Variants in PHACTR3 observed in about 807,000 individuals in gnomAD.
PHACTR3 encodes the protein phosphatase and actin regulator 3.
A neutral mutation model predicts 66.8 loss-of-function variants in PHACTR3; 16 were observed. The ratio of observed to expected loss-of-function variants is 0.24; its 90% CI spans 0.16 to 0.36. The LOEUF (loss-of-function observed/expected upper bound fraction) is 0.36, where lower values mean the gene tolerates loss of function less well. Among genes scored for constraint, PHACTR3 ranks in the 10% least tolerant of loss-of-function variants. The pLI is 1.00. For synonymous variants in PHACTR3, 323 were observed against 292.1 expected, an observed-to-expected ratio of 1.11 and a Z score of -1.08; for missense variants, 647 against 719.9, an observed-to-expected ratio of 0.90 and a Z score of 1.16.
At chr20:59,763,771 G>T (rs568254606) in intron 4 of PHACTR3, among the ~76,000 whole-genome samples, 4 of 152,300 alleles carry the variant, frequency 2.6e-5, no homozygotes, top group African/African-American at 9.6e-5. Context: ...GGTGGGACCT[G>T]CCAGAGAGGC....
Position 59,598,916 on chromosome 20 carries a change from C to T in PHACTR3, c.109+21299C>T, listed in dbSNP as rs575199554. Reference sequence around the variant, plus strand: ...CTTTCCTTGGGTCCTGGAACTCCCACACTGGTGTTTTGCCTTCTTGTTTCT... The same window carrying T: ...CTTTCCTTGGGTCCTGGAACTCCCATACTGGTGTTTTGCCTTCTTGTTTCT... On this transcript the variant is annotated intron_variant, in intron 1 of 12. Coordinates refer to the PHACTR3 transcript ENST00000359926. Among the ~76,000 whole-genome samples the T allele has an allele frequency of 1.3e-4, 20 of 152,340 alleles. No individual in the cohort carries two copies. In the East Asian group the frequency reaches 2.9e-3, roughly 22 times the overall value.
At chr20:59,797,860 T>G (rs1413558906) in intron 7 of PHACTR3, among the ~76,000 whole-genome samples, 1 of 152,172 alleles carries the variant, frequency 6.6e-6, no homozygotes, top group Non-Finnish European at 1.5e-5. Context: ...TTTTATAAAT[T>G]GTTGGGTTTG....
chr20:59,630,163 G>C (rs1462851521), intron 1 of PHACTR3, among the ~76,000 whole-genome samples: 2 of 152,070 alleles, frequency 1.3e-5, no homozygotes, highest in Non-Finnish European at 2.9e-5. Context: ...GTTCATATCA[G>C]GTATATGTCT....
chr20:59,720,509 G>A (rs1337105243), intron 1 of PHACTR3, among the ~76,000 whole-genome samples: 2 of 152,102 alleles, frequency 1.3e-5, no homozygotes, highest in Admixed American at 6.6e-5. Context: ...CCTACTAAGC[G>A]CAACGCTGTG....
intron 3 of PHACTR3, among the ~76,000 whole-genome samples, chr20:59,749,277 C>A (rs2039489887): frequency 6.6e-6 from 1 of 151,630 alleles, no homozygotes; most frequent in South Asian, 2.1e-4. Flanking sequence ...GAAAACAATG[C>A]TAAGGCCTTT....
intron 8 of PHACTR3, among the ~76,000 whole-genome samples, chr20:59,818,891 C>A (rs1043820440): frequency 6.6e-6 from 1 of 152,186 alleles, no homozygotes; most frequent in African/African-American, 2.4e-5. Flanking sequence ...TCATCTTTAG[C>A]AACAACTTTG....
chr20:59,650,687 C>T (rs1370893570), intron 1 of PHACTR3, among the ~76,000 whole-genome samples: 17 of 130,894 alleles, frequency 1.3e-4, no homozygotes, highest in Non-Finnish European at 2.2e-4. Context: ...GAGAAAATCA[C>T]ATTTGTAAGT....
intron 1 of PHACTR3, among the ~76,000 whole-genome samples, chr20:59,606,768 G>C (rs1429080819): frequency 6.6e-6 from 1 of 152,108 alleles, no homozygotes; most frequent in East Asian, 1.9e-4. Flanking sequence ...AGGTGGTGCC[G>C]GTCCATGAGA....
At chr20:59,806,302 C>A (rs866695006) in intron 8 of PHACTR3, 108 bp downstream of exon 8, 1 of 1,405,660 alleles carries the variant, frequency 7.1e-7, no homozygotes. Context: ...CACAACCCAC[C>A]GTCTGCAGCA....
At chr20:59,665,825 A>G (rs1373706422) in intron 1 of PHACTR3, among the ~76,000 whole-genome samples, 1 of 152,194 alleles carries the variant, frequency 6.6e-6, no homozygotes, top group Non-Finnish European at 1.5e-5. Flanking sequence ...ACCCGCCACA[A>G]GCTAACTCTA....
At chr20:59,805,931 T>C in intron 7 of PHACTR3, 110 bp from the exon 8 acceptor site, 2 of 1,186,068 alleles carry the variant, frequency 1.7e-6, no homozygotes, top group South Asian at 3.0e-5. Context: ...ATCACCCTGG[T>C]CTGGAGTCCT....
chr20:59,811,630 G>A (rs1600698982), intron 8 of PHACTR3, among the ~76,000 whole-genome samples: 2 of 151,796 alleles, frequency 1.3e-5, no homozygotes, highest in East Asian at 3.9e-4. Context: ...TTGTACTCCA[G>A]CCTGGGCAAC....
At chr20:59,621,769 C>T (rs1255680777) in intron 1 of PHACTR3, among the ~76,000 whole-genome samples, 1 of 152,148 alleles carries the variant, frequency 6.6e-6, no homozygotes, top group Admixed American at 6.5e-5. Flanking sequence ...ATACTGTGTG[C>T]CAAGCTGGAA....
At chr20:59,632,543 G>C (rs1341911268) in intron 1 of PHACTR3, among the ~76,000 whole-genome samples, 1 of 152,198 alleles carries the variant, frequency 6.6e-6, no homozygotes, top group African/African-American at 2.4e-5. Context: ...TAGCCCAAAG[G>C]AAAGCTGAGC....
At chr20:59,636,008 A>G (rs991314041) in intron 1 of PHACTR3, among the ~76,000 whole-genome samples, 1 of 152,254 alleles carries the variant, frequency 6.6e-6, no homozygotes, top group African/African-American at 2.4e-5. Flanking sequence ...ATGTTTCTAC[A>G]GAAAATGTTA....
chr20:59,840,268 C>CAGAAAT (rs370732645), intron 9 of PHACTR3, 101 bp from the exon 10 acceptor site: 1 of 1,487,336 alleles, frequency 6.7e-7, no homozygotes, highest in African/African-American at 1.4e-5. Flanking sequence ...CTTCAGCTCC[C>CAGAAAT]AGAAATATGG....
At chr20:59,749,837 CTTTT>C (rs1163426057) in intron 3 of PHACTR3, among the ~76,000 whole-genome samples, 1 of 150,108 alleles carries the variant, frequency 6.7e-6, no homozygotes, top group African/African-American at 2.5e-5. Context: ...ATTTTTTTTT[CTTTT>C]GTCAACCATT....
intron 1 of PHACTR3, among the ~76,000 whole-genome samples, chr20:59,634,765 T>A (rs1343805341): frequency 6.6e-6 from 1 of 152,226 alleles, no homozygotes. Flanking sequence ...ATGGAAATGG[T>A]CTAGGTCTGC....
intron 1 of PHACTR3, among the ~76,000 whole-genome samples, chr20:59,723,536 G>A (rs1377453593): frequency 6.6e-6 from 1 of 152,102 alleles, no homozygotes; most frequent in Non-Finnish European, 1.5e-5. Flanking sequence ...CCCACTTTGT[G>A]TCTATTATGA....
Sources: allele counts gnomAD v4.1 joint callset (sites outside exome capture counted in the v4.1 genomes callset), GRCh38; gene constraint gnomAD v4.1.1; transcripts MANE v1.5; gene names NCBI Gene and HGNC (gene_info 2026-07-23, HGNC 2026-07-21).